The following EQTN variants were observed in gnomAD, a reference collection of about 807,000 sequenced individuals.
The protein encoded by EQTN is equatorin.
A neutral mutation model predicts 26.9 loss-of-function variants in EQTN; 29 were observed. That is an observed-to-expected ratio of 1.08 (90% CI 0.80 to 1.47). EQTN has a LOEUF of 1.47. EQTN is among the 40% of genes most tolerant of loss of function. The pLI, the probability that EQTN is intolerant of heterozygous loss-of-function variation, is 0.00. For synonymous variants in EQTN, 129 were observed against 120.0 expected, an observed-to-expected ratio of 1.07 and a Z score of -0.49; for missense variants, 391 against 346.1, an observed-to-expected ratio of 1.13 and a Z score of -1.03.
chr9:27,286,139 C>G, intron 7 of EQTN, 70 bp downstream of exon 7: 1 of 1,464,104 alleles, frequency 6.8e-7, no homozygotes, highest in South Asian at 1.3e-5. Flanking sequence ...TAAGAATCTA[C>G]TAAAGAGAGG....
At chr9:27,286,963 T>G (rs1194888441) in intron 6 of EQTN, among the ~76,000 whole-genome samples, 5 of 152,190 alleles carry the variant, frequency 3.3e-5, no homozygotes, top group African/African-American at 1.2e-4. Flanking sequence ...TTATTTAACT[T>G]TCTAAAATAA....
chr9:27,284,948 G>C lies in EQTN; in HGVS notation c.660C>G (p.Tyr220Ter), dbSNP rs372622932. 9 of 1,612,978 alleles carry C rather than the reference G, an allele frequency of 5.6e-6. No homozygotes were observed. Among genetic ancestry groups the C allele is most frequent in the Middle Eastern group, 1.6e-4 (1 of 6,080 alleles). The change falls in exon 8 of 8, where the codon TAC (tyrosine) becomes TAG (stop). Residue 220 changes from tyrosine to a stop codon, truncating the protein, a stop_gained. Transcript: ENST00000380032. LOFTEE classifies it low-confidence loss of function (END_TRUNC). ...HLSYKSCESQ[Y>*]SVNPELATMS... ...TCGTGGCCAGCTCTGGGTTGACAGA[G>C]TACTGACTCTCACAACTTTTATAAC...
At chr9:27,296,853 A>C in intron 1 of EQTN, 115 bp from the exon 2 acceptor site, 2 of 1,557,118 alleles carry the variant, frequency 1.3e-6, no homozygotes, top group Non-Finnish European at 1.7e-6. Flanking sequence ...TAAAATCTAA[A>C]ACATACCATA....
chr9:27,286,158 A>C, intron 7 of EQTN, 51 bp downstream of exon 7: 2 of 1,564,620 alleles, frequency 1.3e-6, no homozygotes, highest in Non-Finnish European at 1.8e-6. Context: ...GGAGGGAGAG[A>C]ATGCGATGTC....
chr9:27,286,765 A>G (rs1820133307), intron 6 of EQTN, among the ~76,000 whole-genome samples: 2 of 152,250 alleles, frequency 1.3e-5, no homozygotes, highest in Middle Eastern at 6.8e-3. Flanking sequence ...CTTACACACA[A>G]GGGACCAGTC....
intron 3 of EQTN, 137 bp downstream of exon 3, chr9:27,294,179 C>G: frequency 1.9e-6 from 1 of 524,738 alleles, no homozygotes; most frequent in Non-Finnish European, 3.3e-6. Flanking sequence ...ATCCCAGTCA[C>G]AGAATCTACT....
At chr9:27,296,857 T>C in intron 1 of EQTN, 119 bp from the exon 2 acceptor site, 1 of 1,556,416 alleles carries the variant, frequency 6.4e-7, no homozygotes. Flanking sequence ...ATCTAAAACA[T>C]ACCATAGCTC....
At position 27,292,491 on chromosome 9, in the gene EQTN, G is replaced by C; in HGVS notation, c.290-4C>G. Reference sequence around the variant, plus strand: ...GTAGTTGCATTGACAGTTTTATCTAGGAAAAGGGAAAAAGAATTATCAGCA... The same window carrying C: ...GTAGTTGCATTGACAGTTTTATCTACGAAAAGGGAAAAAGAATTATCAGCA... On this transcript the variant is annotated splice_region_variant and splice_polypyrimidine_tract_variant and intron_variant, in intron 3 of 7. Coordinates refer to ENST00000380032, the MANE Select transcript of EQTN (RefSeq NM_020641.3). 1 of 1,566,142 alleles carries C rather than the reference G, an allele frequency of 6.4e-7. No individual in the cohort carries two copies.
intron 2 of EQTN, among the ~76,000 whole-genome samples, chr9:27,295,721 A>G (rs530312268): frequency 1.5e-4 from 23 of 150,596 alleles, no homozygotes; most frequent in African/African-American, 5.6e-4. Flanking sequence ...AGTCCCAGCT[A>G]CTCAGGAGGC....
At chr9:27,294,295 A>G in intron 3 of EQTN, 21 bp downstream of exon 3, 2 of 1,569,328 alleles carry the variant, frequency 1.3e-6, no homozygotes, top group African/African-American at 1.3e-5. Context: ...TACATGTGCA[A>G]TGGTGCCTTT....
intron 5 of EQTN, among the ~76,000 whole-genome samples, chr9:27,290,771 T>C (rs1470490420): frequency 6.6e-6 from 1 of 152,274 alleles, no homozygotes; most frequent in African/African-American, 2.4e-5. Context: ...TTGAAAAATT[T>C]TAACCATAAA....
At chr9:27,296,422 A>G (rs1010440907) in intron 2 of EQTN, among the ~76,000 whole-genome samples, 191 bp downstream of exon 2, 1 of 152,242 alleles carries the variant, frequency 6.6e-6, no homozygotes, top group African/African-American at 2.4e-5. Flanking sequence ...ACATAAAAAG[A>G]GCCCTTAAAA....
intron 3 of EQTN, 49 bp from the exon 4 acceptor site, chr9:27,292,536 C>A: frequency 1.9e-6 from 2 of 1,079,290 alleles, no homozygotes; most frequent in Admixed American, 2.1e-5. Flanking sequence ...ACTGACGAAA[C>A]ATCTGAGAAT....
chr9:27,290,183 C>T (rs985635236), intron 5 of EQTN, among the ~76,000 whole-genome samples: 7 of 152,074 alleles, frequency 4.6e-5, no homozygotes, highest in Admixed American at 1.3e-4. Flanking sequence ...ATTTGGGGGC[C>T]ATTTTAAACA....
chr9:27,294,333 T>C lies in EQTN; in HGVS notation c.272A>G (p.Asn91Ser), dbSNP rs1463117738. The change falls in exon 3 of 8, where the codon AAT (asparagine) becomes AGT (serine). Residue 91 changes from asparagine to serine, a missense_variant. Transcript: ENST00000380032. Reference protein sequence around the residue: ...EISVRATTDLNFALKNDKTVN... With the variant: ...EISVRATTDLSFALKNDKTVN... ...CTTCTTACCGTTTTTTAGAGCAAAA[T>C]TCAGGTCAGTTGTGGCTCTCACAGA... The C allele has an allele frequency of 2.5e-6, 4 of 1,608,988 alleles. No homozygotes were observed. The African/African-American group carries it at 5.3e-5, about 21-fold the overall frequency.
chr9:27,290,573 T>C (rs1820214540), intron 5 of EQTN, among the ~76,000 whole-genome samples: 1 of 152,266 alleles, frequency 6.6e-6, no homozygotes, highest in African/African-American at 2.4e-5. Flanking sequence ...TATATGCACA[T>C]GCATTTATAC....
Position 27,284,740 on chromosome 9 carries a change from C to T in EQTN, c.868G>A (p.Glu290Lys). The T allele has an allele frequency of 6.2e-7, 1 of 1,613,772 alleles. No homozygotes were observed. The highest frequency in any genetic ancestry group is 8.5e-7 in the Non-Finnish European group (1 of 1,179,886). The change falls in exon 8 of 8, where the codon GAG becomes AAG. Residue 290 changes from glutamate to lysine, a missense_variant. Physicochemically the swap from Glu to Lys is moderately conservative, Grantham distance 56. Coordinates refer to ENST00000380032, the MANE Select transcript of EQTN (RefSeq NM_020641.3). ...TGATTTCTTCACCGGGTAACCGACT[C>T]ATCGTTTTCATGCATCTCATTATCT... is the stretch of plus-strand genomic sequence containing the variant. ...GSDNEMHEND[E>K]SVTR
rs1484052272 is a variant in EQTN at position 27,284,772 on chromosome 9, A to G, written c.836T>C (p.Ile279Thr). ...ESKIMTDIIS[I>T]GSDNEMHEND... ...TTCATGCATCTCATTATCTGAGCCTATGGAAATGATATCCGTCATTATCTT... is the reference window on the plus strand; with the variant it reads ...TTCATGCATCTCATTATCTGAGCCTGTGGAAATGATATCCGTCATTATCTT... Residue 279 changes from isoleucine to threonine, a missense_variant, in exon 8 of 8, where the codon ATA becomes ACA. Ile to Thr is a moderately conservative substitution (Grantham distance 89). Transcript: ENST00000380032. 6.2e-7 allele frequency: 1 copy of G among 1,614,144 alleles called. No homozygotes were observed. Among genetic ancestry groups the G allele is most frequent in the East Asian group, 2.2e-5 (1 of 44,866 alleles).
intron 1 of EQTN, 117 bp from the exon 2 acceptor site, chr9:27,296,855 C>T: frequency 6.4e-7 from 1 of 1,556,002 alleles, no homozygotes; most frequent in Non-Finnish European, 8.6e-7. Flanking sequence ...AAATCTAAAA[C>T]ATACCATAGC....
Sources: gnomAD v4.1 joint callset for allele counts (sites outside exome capture counted in the v4.1 genomes callset) on GRCh38, gnomAD v4.1.1 for gene constraint, MANE v1.5 for transcripts, NCBI Gene and HGNC (gene_info 2026-07-23, HGNC 2026-07-21) for gene names.